The following GPR158 variants were observed in gnomAD, a reference collection of about 807,000 sequenced individuals.
The protein encoded by GPR158 is G protein-coupled receptor 158.
GPR158 carries 30 observed loss-of-function variants against 78.2 expected under a neutral mutation model. The ratio of observed to expected loss-of-function variants is 0.38; its 90% CI spans 0.29 to 0.52. The LOEUF is 0.52. Ranked by LOEUF, GPR158 falls within the 20% of genes least tolerant of loss-of-function variation. The pLI is 0.83. For missense variants in GPR158, 1,463 were observed against 1,523.5 expected (o/e 0.96, Z 0.66); for synonymous variants, 581 against 591.1 (o/e 0.98, Z 0.25).
At position 25,416,203 on chromosome 10, in the gene GPR158, T is replaced by C. The variant is rs574679596; in HGVS notation, c.1335+3730T>C. Among the ~76,000 whole-genome samples, 7 of 152,244 alleles carry C rather than the reference T, an allele frequency of 4.6e-5. No homozygotes were observed. The South Asian group carries it at 1.0e-3, about 23-fold the overall frequency. ...TCACAATTCATGTATGCTTCCCACA[T>C]TGGGGGCCAAGTATGACATTTAAAG... On this transcript the variant is annotated intron_variant, in intron 4 of 10. Coordinates refer to ENST00000376351, the MANE Select transcript of GPR158 (RefSeq NM_020752.3).
chr10:25,326,453 T>C (rs557257681), intron 2 of GPR158, among the ~76,000 whole-genome samples: 33 of 152,294 alleles, frequency 2.2e-4, no homozygotes, highest in African/African-American at 7.5e-4. Context: ...TTGTCAGATA[T>C]AAGGTTTGCA....
intron 1 of GPR158, among the ~76,000 whole-genome samples, chr10:25,190,621 G>A (rs1852760847): frequency 1.3e-5 from 2 of 152,124 alleles, no homozygotes; most frequent in African/African-American, 2.4e-5. Context: ...ATGAGCCACC[G>A]CTGCTGGCCC....
At chr10:25,314,749 A>G (rs148635900) in intron 2 of GPR158, among the ~76,000 whole-genome samples, 1 of 150,040 alleles carries the variant, frequency 6.7e-6, no homozygotes, top group African/African-American at 2.4e-5. Context: ...AAAACTATCA[A>G]GTTTACGACT....
chr10:25,518,070 GA>G (rs1211197069), intron 5 of GPR158, among the ~76,000 whole-genome samples: 2 of 97,044 alleles, frequency 2.1e-5, no homozygotes, highest in African/African-American at 1.0e-4. Context: ...GGTCTATTCA[GA>G]GATTCAACTT....
chr10:25,218,932 A>C (rs933156780), intron 1 of GPR158, among the ~76,000 whole-genome samples: 5 of 151,976 alleles, frequency 3.3e-5, no homozygotes. Context: ...ATTAAACTCT[A>C]TGAAGGCAGG....
At chr10:25,496,047 A>G (rs1835876909) in intron 5 of GPR158, among the ~76,000 whole-genome samples, 1 of 152,024 alleles carries the variant, frequency 6.6e-6, no homozygotes, top group South Asian at 2.1e-4. Flanking sequence ...GATATTGCCA[A>G]ATGTGTCCTG....
In GPR158 at chr10:25,587,708, T is replaced by C. The variant is rs533116908; in HGVS notation, c.1754-1299T>C. Among the ~76,000 whole-genome samples the C allele has an allele frequency of 5.5e-4, 83 of 152,288 alleles. 1 individual carries two copies. In the South Asian group the frequency reaches 0.017, roughly 31 times the overall value. On this transcript the variant is annotated intron_variant, in intron 7 of 10. Transcript: ENST00000376351. ...ACCTACACTAGATCTCATGGAGAGT[T>C]TGGAGTGACATTAATTTTTTTGTCT...
intron 5 of GPR158, among the ~76,000 whole-genome samples, chr10:25,529,079 C>T (rs1836389389): frequency 6.6e-6 from 1 of 152,076 alleles, no homozygotes; most frequent in African/African-American, 2.4e-5. Flanking sequence ...AAGTAACAAC[C>T]AGGTTAGGCA....
intron 2 of GPR158, among the ~76,000 whole-genome samples, chr10:25,338,664 G>A (rs1855261623): frequency 7.5e-6 from 1 of 133,388 alleles, no homozygotes; most frequent in African/African-American, 2.5e-5. Context: ...TTTCATCCTT[G>A]TATCAATACA....
intron 2 of GPR158, among the ~76,000 whole-genome samples, chr10:25,245,346 T>C (rs1467542611): frequency 6.6e-6 from 1 of 152,194 alleles, no homozygotes; most frequent in Non-Finnish European, 1.5e-5. Flanking sequence ...TGGTGAGTCA[T>C]AGGATCATGG....
chr10:25,175,713 A>G lies in GPR158; in HGVS notation c.293A>G (p.Asn98Ser). Residue 98 changes from asparagine (N) to serine (S), a missense_variant, in exon 1 of 11, where the codon AAC becomes AGC. Transcript: ENST00000376351. This position sits in a 1 kb window ranked among gnomAD's most constrained non-coding sequence, Gnocchi z 6.4. ...GACTCCCACCAGCTGAAGCGAGCCA[A>G]CTGCTCCGGCCGCTACGAGTTGGCG... ...TGDSHQLKRA[N>S]CSGRYELAGL... 1.2e-6 allele frequency: 2 copies of G among 1,611,772 alleles called. No individual in the cohort carries two copies. The highest frequency in any genetic ancestry group is 2.2e-5 in the South Asian group (2 of 91,072).
chr10:25,409,244 T>C (rs1333621198), intron 3 of GPR158, among the ~76,000 whole-genome samples: 1 of 149,234 alleles, frequency 6.7e-6, no homozygotes, highest in Non-Finnish European at 1.5e-5. Flanking sequence ...CTTTCTTTAT[T>C]CTCTGTCTGT....
chr10:25,323,968 C>T (rs183712890), intron 2 of GPR158, among the ~76,000 whole-genome samples: 2 of 152,320 alleles, frequency 1.3e-5, no homozygotes, highest in Admixed American at 1.3e-4. Flanking sequence ...CTTCAGCTAC[C>T]TCACTTCTCT....
At chr10:25,419,885 C>CA (rs1485845693) in intron 4 of GPR158, among the ~76,000 whole-genome samples, 1 of 152,082 alleles carries the variant, frequency 6.6e-6, no homozygotes, top group African/African-American at 2.4e-5. Context: ...TGATGTTGTA[C>CA]ATTCTGTGAC....
chr10:25,376,324 T>A (rs72796174), intron 2 of GPR158, among the ~76,000 whole-genome samples: 3,066 of 151,802 alleles, frequency 0.02, 40 homozygotes, highest in Non-Finnish European at 0.031. Context: ...TAGTTTATAC[T>A]TAAACAATCT....
chr10:25,402,818 T>A (rs1834465536), intron 3 of GPR158, among the ~76,000 whole-genome samples: 1 of 151,968 alleles, frequency 6.6e-6, no homozygotes, highest in African/African-American at 2.4e-5. Context: ...TTTCAATAAT[T>A]GTAGCTTTGG....
At chr10:25,596,483 GTCTCTCTC>G (rs958354657) in intron 9 of GPR158, among the ~76,000 whole-genome samples, 152 bp from the exon 10 acceptor site, 1 of 151,524 alleles carries the variant, frequency 6.6e-6, no homozygotes, top group Non-Finnish European at 1.5e-5. Flanking sequence ...GTCTGTCTGT[GTCTCTCTC>G]TCTCTATCTA....
intron 3 of GPR158, among the ~76,000 whole-genome samples, chr10:25,411,212 T>C (rs2130547660): frequency 6.6e-6 from 1 of 152,224 alleles, no homozygotes. Flanking sequence ...TTAAGTTTGA[T>C]AACTGAGACA....
At chr10:25,594,516 G>C in intron 9 of GPR158, 119 bp downstream of exon 9, 1 of 494,026 alleles carries the variant, frequency 2.0e-6, no homozygotes, top group Non-Finnish European at 3.6e-6. Context: ...GAGTTTTAAA[G>C]CTCCCTCCTC....
Sources: allele counts gnomAD v4.1 joint callset (sites outside exome capture counted in the v4.1 genomes callset), GRCh38; gene constraint gnomAD v4.1.1; non-coding constraint Gnocchi (gnomAD v3.1); transcripts MANE v1.5; gene names NCBI Gene and HGNC (gene_info 2026-07-23, HGNC 2026-07-21).